The following DNAI4 variants were observed in gnomAD, a reference collection of about 807,000 sequenced individuals.
DNAI4 encodes the protein dynein axonemal intermediate chain 4, also known as WD repeat domain 78.
A neutral mutation model predicts 105.8 loss-of-function variants in DNAI4; 85 were observed. The ratio of observed to expected loss-of-function variants is 0.80; its 90% CI spans 0.67 to 0.96. DNAI4 has a LOEUF of 0.96. Among genes scored for constraint, DNAI4 ranks in the 40% least tolerant of loss-of-function variants. DNAI4 has a pLI of 0.00. For synonymous variants in DNAI4, 352 were observed against 331.5 expected (o/e 1.06, Z -0.67); for missense variants, 1,014 against 1,005.6 (o/e 1.01, Z -0.11).
chr1:66,848,758 G>GA (rs1177896185), intron 7 of DNAI4, among the ~76,000 whole-genome samples: 2 of 152,188 alleles, frequency 1.3e-5, no homozygotes, highest in Non-Finnish European at 2.9e-5. Flanking sequence ...GCACAGGCAA[G>GA]AAAAAAATCC....
chr1:66,815,959 TCTGGTCCTTGCTGTCATCGGGAAGGGGC>T (rs1645506487), intron 16 of DNAI4, among the ~76,000 whole-genome samples: 1 of 152,124 alleles, frequency 6.6e-6, no homozygotes, highest in Admixed American at 6.6e-5. Context: ...ACAAAAGTAT[TCTGGTCCTTGCTGTCATCGGGAAGGGGC>T]CAGAGTTTCA....
At chr1:66,822,274 T>C in intron 16 of DNAI4, 87 bp downstream of exon 16, 1 of 1,220,848 alleles carries the variant, frequency 8.2e-7, no homozygotes, top group Non-Finnish European at 1.1e-6. Flanking sequence ...CCTAAGATAT[T>C]GAGAAATGTA....
At chr1:66,880,475 T>G (rs995876084) in intron 4 of DNAI4, among the ~76,000 whole-genome samples, 1 of 152,138 alleles carries the variant, frequency 6.6e-6, no homozygotes, top group Admixed American at 6.6e-5. Flanking sequence ...GAAGGGCTCG[T>G]TGGGAACTGG....
chr1:66,904,075 A>G (rs1649054855), intron 2 of DNAI4, among the ~76,000 whole-genome samples: 1 of 151,946 alleles, frequency 6.6e-6, no homozygotes, highest in Admixed American at 6.6e-5. Flanking sequence ...ATATGTGTAT[A>G]TACACACATA....
chr1:66,875,023 G>C (rs1445330230), intron 4 of DNAI4, 86 bp from the exon 5 acceptor site: 9 of 1,228,726 alleles, frequency 7.3e-6, no homozygotes. Context: ...ATACCATAAT[G>C]GGTAATATAT....
intron 4 of DNAI4, among the ~76,000 whole-genome samples, chr1:66,875,233 G>A (rs370569463): frequency 2.4e-4 from 36 of 152,208 alleles, no homozygotes; most frequent in African/African-American, 8.7e-4. Flanking sequence ...GGGAACTGGG[G>A]TTAGCAACTG....
chr1:66,828,905 A>G (rs1364199131), intron 13 of DNAI4, among the ~76,000 whole-genome samples: 1 of 152,204 alleles, frequency 6.6e-6, no homozygotes, highest in Non-Finnish European at 1.5e-5. Context: ...TTATTATTCT[A>G]ACACCATTTA....
chr1:66,819,965 AAAG>A (rs1361522266), intron 16 of DNAI4, among the ~76,000 whole-genome samples: 1 of 152,164 alleles, frequency 6.6e-6, no homozygotes, highest in Non-Finnish European at 1.5e-5. Context: ...CTTATGGACA[AAAG>A]AAGAAAAAAA....
At chr1:66,828,231 C>G (rs995599329) in intron 13 of DNAI4, 1 of 161,330 alleles carries the variant, frequency 6.2e-6, no homozygotes, top group African/African-American at 2.4e-5. Flanking sequence ...AGCTACCTGA[C>G]AATGGAACTA....
At chr1:66,816,603 AC>A (rs1449421360) in intron 16 of DNAI4, among the ~76,000 whole-genome samples, 1 of 152,102 alleles carries the variant, frequency 6.6e-6, no homozygotes. Flanking sequence ...AAAAAATATA[AC>A]CCTAAGCCTT....
At chr1:66,822,641 T>C (rs1419150821) in intron 15 of DNAI4, 124 bp from the exon 16 acceptor site, 31 of 850,460 alleles carry the variant, frequency 3.6e-5, no homozygotes, top group Non-Finnish European at 5.1e-5. Context: ...ATTTAAGTGT[T>C]TCCAAACTCA....
At chr1:66,817,826 C>T (rs472089) in intron 16 of DNAI4, among the ~76,000 whole-genome samples, 149,778 of 152,284 alleles carry the variant, frequency 0.98, 73,710 homozygotes, top group Middle Eastern at 1. Context: ...GACAAATGCA[C>T]TGGAGCATTG....
At chr1:66,922,746 AAG>A (rs1218990505) in intron 1 of DNAI4, among the ~76,000 whole-genome samples, 1 of 152,206 alleles carries the variant, frequency 6.6e-6, no homozygotes, top group Non-Finnish European at 1.5e-5. Flanking sequence ...GAGTAAGTGA[AAG>A]AGTGGAATTT....
intron 2 of DNAI4, among the ~76,000 whole-genome samples, chr1:66,894,116 CT>C (rs1355216737): frequency 6.6e-6 from 1 of 152,046 alleles, no homozygotes; most frequent in African/African-American, 2.4e-5. Flanking sequence ...GAGTGTACTC[CT>C]TTTATTTCTT....
At chr1:66,841,802 C>T (rs768941038) in intron 8 of DNAI4, among the ~76,000 whole-genome samples, 9 of 152,264 alleles carry the variant, frequency 5.9e-5, no homozygotes, top group East Asian at 1.9e-4. Context: ...GAATGTGCTA[C>T]GGCTTCTGGT....
intron 7 of DNAI4, 24 bp from the exon 8 acceptor site, chr1:66,847,702 A>C: frequency 6.7e-7 from 1 of 1,491,634 alleles, no homozygotes; most frequent in South Asian, 1.2e-5. Context: ...ACATGATACA[A>C]TGATAAAATA....
At chr1:66,865,578 C>T (rs954522658) in intron 6 of DNAI4, among the ~76,000 whole-genome samples, 1 of 152,056 alleles carries the variant, frequency 6.6e-6, no homozygotes, top group African/African-American at 2.4e-5. Flanking sequence ...AAAAATGTAG[C>T]CTTAAATCTG....
intron 15 of DNAI4, 73 bp from the exon 16 acceptor site, chr1:66,822,590 T>C (rs1645654192): frequency 2.3e-6 from 3 of 1,289,738 alleles, no homozygotes; most frequent in Non-Finnish European, 3.1e-6. Context: ...AAAGAAAAAT[T>C]TGACATTTTT....
intron 4 of DNAI4, among the ~76,000 whole-genome samples, chr1:66,877,929 T>G (rs1410582800): frequency 6.6e-6 from 1 of 152,196 alleles, no homozygotes; most frequent in Non-Finnish European, 1.5e-5. Context: ...CAAAGATACA[T>G]GCTAACATCA....
Sources: allele counts gnomAD v4.1 joint callset (sites outside exome capture counted in the v4.1 genomes callset), GRCh38; gene constraint gnomAD v4.1.1; transcripts MANE v1.5; gene names NCBI Gene and HGNC (gene_info 2026-07-23, HGNC 2026-07-21).